Variants in REEP3 observed in about 807,000 individuals in gnomAD.
The protein encoded by REEP3 is receptor expression-enhancing protein 3.
In REEP3, 20 loss-of-function variants were observed where a neutral mutation model predicts 41.3. The ratio of observed to expected loss-of-function variants is 0.48; its 90% confidence interval spans 0.34 to 0.70. The LOEUF is 0.70. Among genes scored for constraint, REEP3 ranks in the 30% least tolerant of loss-of-function variants. The pLI is 0.01. For missense variants in REEP3, 271 were observed against 308.8 expected (o/e 0.88, Z 0.92); for synonymous variants, 104 against 101.8 (o/e 1.02, Z -0.13).
chr10:63,525,020 A>T lies in REEP3; in HGVS notation c.32+3443A>T, dbSNP rs777899814. Among the ~76,000 whole-genome samples the T allele has an allele frequency of 4.3e-3, 651 of 152,322 alleles. 3 individuals carry two copies. The highest frequency in any genetic ancestry group is 6.7e-3 in the Non-Finnish European group (456 of 68,032). ...GAGCAAGACTCTGTCTCAAAAAAAA[A>T]AAAAAGACTGTTGTAAAGATTAAAT... On this transcript the variant is annotated intron_variant, in intron 1 of 7. Transcript: ENST00000373758.
chr10:63,569,383 G>A (rs1048129590), intron 2 of REEP3, among the ~76,000 whole-genome samples: 5 of 151,880 alleles, frequency 3.3e-5, no homozygotes, highest in South Asian at 2.1e-4. Flanking sequence ...CAAGAAGCCC[G>A]GGATATATAA....
At chr10:63,545,203 A>T (rs979092750) in intron 1 of REEP3, among the ~76,000 whole-genome samples, 4 of 152,306 alleles carry the variant, frequency 2.6e-5, no homozygotes, top group African/African-American at 9.6e-5. Context: ...ATATATTTAG[A>T]CATACATATA....
chr10:63,610,291 A>C lies in REEP3; in HGVS notation c.522A>C (p.Pro174=), dbSNP rs750158390. The C allele has an allele frequency of 2.5e-5, 39 of 1,572,302 alleles. No homozygotes were observed. Among genetic ancestry groups the C allele is most frequent in the Non-Finnish European group, 3.2e-5 (37 of 1,157,004 alleles). ...GACAAAGACCATACCAACCTCTACC[A>C]GAAGCAAAAAAGAAAAGTAAACCAG... ...PVGQRPYQPL[P]EAKKKSKPAP... The change falls in exon 6 of 8, where the codon CCA becomes CCC. Residue 174 remains proline, a synonymous_variant. Transcript: ENST00000373758.
chr10:63,572,993 C>T (rs980857815), intron 2 of REEP3, among the ~76,000 whole-genome samples: 13 of 152,188 alleles, frequency 8.5e-5, no homozygotes, highest in African/African-American at 4.8e-5. Context: ...TCCCAAAACC[C>T]AGTTTCTTTG....
intron 5 of REEP3, among the ~76,000 whole-genome samples, chr10:63,604,263 T>C (rs1956202994): frequency 6.6e-6 from 1 of 152,188 alleles, no homozygotes; most frequent in African/African-American, 2.4e-5. Context: ...CTGTACAAGT[T>C]TATTTTGGCT....
At position 63,580,122 on chromosome 10, in the gene REEP3, C is replaced by CGTT. The variant is rs532934741; in HGVS notation, c.105+13734_105+13736dup. Reference sequence around the variant, plus strand: ...ATTCTTGACTATAATAGCTGGTTTTCGTTGTTGTTGTTGTTGTTGTTGTTT... The same window carrying CGTT: ...ATTCTTGACTATAATAGCTGGTTTTCGTTGTTGTTGTTGTTGTTGTTGTTGTTT... On this transcript the variant is annotated intron_variant, in intron 2 of 7. Coordinates refer to ENST00000373758, the MANE Select transcript of REEP3 (RefSeq NM_001001330.3). Among the ~76,000 whole-genome samples, 594 of 151,550 alleles carry CGTT rather than the reference C, an allele frequency of 3.9e-3. 2 individuals carry two copies. The highest frequency in any genetic ancestry group is 0.012 in the African/African-American group (514 of 41,340).
rs562370287 is a variant in REEP3, at chr10:63,532,673, G to A, written c.32+11096G>A. 6.0e-5 allele frequency among the ~76,000 whole-genome samples: 9 copies of A among 149,012 alleles called. No homozygotes were observed. In the South Asian group the frequency reaches 1.9e-3, roughly 32 times the overall value. On this transcript the variant is annotated intron_variant, in intron 1 of 7. Coordinates refer to ENST00000373758, the MANE Select transcript of REEP3 (RefSeq NM_001001330.3). Reference sequence around the variant, plus strand: ...TCCGTCAAAAAAAAAAAAAGAAAAGGAGAAAAAAAAATTCAGGAGTTCCAC... The same window carrying A: ...TCCGTCAAAAAAAAAAAAAGAAAAGAAGAAAAAAAAATTCAGGAGTTCCAC...
At position 63,624,277 on chromosome 10, in the gene REEP3, T is replaced by C. The variant is rs1196356648; in HGVS notation, c.*3408T>C. The stretch of plus-strand genomic sequence containing the variant: ...ATTTCTTAGTAAATATCACTTAAGA[T>C]TAAATTTTTCAGAAAGAAAATTATA... On this transcript the variant is annotated 3_prime_UTR_variant, in exon 8 of 8. Transcript: ENST00000373758. 1 of 152,142 alleles carries C rather than the reference T, an allele frequency of 6.6e-6. No homozygotes were observed. Among genetic ancestry groups the C allele is most frequent in the African/African-American group, 2.4e-5 (1 of 41,468 alleles). 9.4% of individuals were successfully genotyped at this position (152,142 alleles called of 1,614,324 possible).
At chr10:63,599,968 T>A (rs1017420516) in intron 5 of REEP3, among the ~76,000 whole-genome samples, 1 of 152,226 alleles carries the variant, frequency 6.6e-6, no homozygotes, top group African/African-American at 2.4e-5. Flanking sequence ...TTGCTTCATG[T>A]ATAAAATGGG....
At chr10:63,557,845 G>A (rs191799509) in intron 1 of REEP3, among the ~76,000 whole-genome samples, 2 of 152,342 alleles carry the variant, frequency 1.3e-5, no homozygotes, top group East Asian at 1.9e-4. Flanking sequence ...AGGACCACAA[G>A]TGTTGATATA....
intron 6 of REEP3, among the ~76,000 whole-genome samples, chr10:63,616,571 G>A (rs1232438410): frequency 2.0e-5 from 3 of 152,104 alleles, no homozygotes; most frequent in Admixed American, 2.0e-4. Flanking sequence ...AAAAAGAAAA[G>A]AATAAGATGT....
intron 6 of REEP3, among the ~76,000 whole-genome samples, chr10:63,611,941 G>GA (rs200110110): frequency 0.031 from 4,017 of 128,490 alleles, 147 homozygotes; most frequent in East Asian, 0.22. Flanking sequence ...CCCTTTCTCA[G>GA]AAAAAAAAAA....
chr10:63,616,952 AT>A (rs1296934332), intron 6 of REEP3, among the ~76,000 whole-genome samples: 2 of 152,194 alleles, frequency 1.3e-5, no homozygotes, highest in Admixed American at 6.5e-5. Flanking sequence ...TCCATGAGAT[AT>A]AATCCTTTCA....
At chr10:63,619,517 A>G (rs1956336682) in intron 6 of REEP3, 138 bp from the exon 7 acceptor site, 2 of 635,284 alleles carry the variant, frequency 3.1e-6, no homozygotes, top group Admixed American at 2.8e-5. Flanking sequence ...GATAAAGGGC[A>G]TGGAGCACAT....
At chr10:63,609,319 G>A (rs1956257803) in intron 5 of REEP3, among the ~76,000 whole-genome samples, 1 of 151,914 alleles carries the variant, frequency 6.6e-6, no homozygotes, top group South Asian at 2.1e-4. Flanking sequence ...AGGCGTGGTG[G>A]TGGGCGCCTG....
intron 1 of REEP3, among the ~76,000 whole-genome samples, chr10:63,534,360 C>G (rs2133343890): frequency 6.6e-6 from 1 of 152,200 alleles, no homozygotes; most frequent in African/African-American, 2.4e-5. Context: ...CAGCGATCTT[C>G]CTGCTTCCAC....
chr10:63,570,455 T>C (rs937910011), intron 2 of REEP3, among the ~76,000 whole-genome samples: 2 of 152,228 alleles, frequency 1.3e-5, no homozygotes, highest in African/African-American at 2.4e-5. Context: ...TTCTTTTTAT[T>C]TAACTTTGAT....
intron 5 of REEP3, among the ~76,000 whole-genome samples, chr10:63,600,143 G>A: frequency 6.6e-6 from 1 of 152,194 alleles, no homozygotes; most frequent in Middle Eastern, 3.4e-3. Context: ...CTGCTTTCAA[G>A]TTAGTCTGTT....
chr10:63,540,256 G>A (rs1264645284), intron 1 of REEP3, among the ~76,000 whole-genome samples: 1 of 152,166 alleles, frequency 6.6e-6, no homozygotes, highest in Non-Finnish European at 1.5e-5. Flanking sequence ...ACTTGGAAAT[G>A]CAATTTATAT....
Sources: gnomAD v4.1 joint callset for allele counts (sites outside exome capture counted in the v4.1 genomes callset) on GRCh38, gnomAD v4.1.1 for gene constraint, MANE v1.5 for transcripts, NCBI Gene and HGNC (gene_info 2026-07-23, HGNC 2026-07-21) for gene names.